MTFP1: variants seen among roughly 807,000 people sequenced by gnomAD.
MTFP1 encodes mitochondrial fission process protein 1.
A neutral mutation model predicts 17.1 loss-of-function variants in MTFP1; 19 were observed. That is an observed-to-expected ratio of 1.11 (90% CI 0.77 to 1.63). MTFP1 has a LOEUF of 1.63. MTFP1 is among the 40% of genes most tolerant of loss of function. The pLI, the probability that MTFP1 is intolerant of heterozygous loss-of-function variation, is 0.00. For synonymous variants in MTFP1, 89 were observed against 95.2 expected (o/e 0.93, Z 0.38); for missense variants, 221 against 226.2 (o/e 0.98, Z 0.15).
intron 3 of MTFP1, 93 bp downstream of exon 3, chr22:30,427,496 G>A: frequency 7.4e-7 from 1 of 1,356,936 alleles, no homozygotes; most frequent in Admixed American, 1.7e-5. Flanking sequence ...TGTGAAGTGT[G>A]GGGTATGCCC....
Position 30,426,763 on chromosome 22 carries a change from G to C in MTFP1, c.114G>C (p.Ala38=). ...AGGCTTTCCGCTCTCTTGTGCCAGCGGCGGTGGTGTGGCTGAGCTATGGCG... is the reference window on the plus strand; with the variant it reads ...AGGCTTTCCGCTCTCTTGTGCCAGCCGCGGTGGTGTGGCTGAGCTATGGCG... ...VGEAFRSLVP[A]AVVWLSYGVA... The change falls in exon 2 of 4, where the codon GCG becomes GCC. Residue 38 remains alanine, a synonymous_variant. Transcript: ENST00000266263. The C allele has an allele frequency of 6.2e-7, 1 of 1,614,076 alleles. No individual in the cohort carries two copies. Among genetic ancestry groups the C allele is most frequent in the Non-Finnish European group, 8.5e-7 (1 of 1,180,018 alleles).
At chr22:30,427,056 C>T in intron 2 of MTFP1, 115 bp from the exon 3 acceptor site, 1 of 1,379,876 alleles carries the variant, frequency 7.2e-7, no homozygotes. Context: ...GTACCCCACT[C>T]CTGGGTGCGG....
rs747928613 is a variant in MTFP1, at chr22:30,426,791, G to C, written c.142G>C (p.Ala48Pro). 3.7e-6 allele frequency: 6 copies of C among 1,613,714 alleles called. No homozygotes were observed. The South Asian group carries it at 6.6e-5, about 18-fold the overall frequency. Residue 48 changes from alanine to proline, a missense_variant, in exon 2 of 4, where the codon GCC becomes CCC. Physicochemically the swap from Ala to Pro is conservative, Grantham distance 27 (BLOSUM62 -1). Transcript: ENST00000266263. The stretch of plus-strand genomic sequence containing the variant: ...GGTGGTGTGGCTGAGCTATGGCGTG[G>C]CCAGCTCCTACGTGCTGGCGGATGC... ...AAVVWLSYGVASSYVLADAID... is the reference protein window; with the variant it reads ...AAVVWLSYGVPSSYVLADAID...
intron 3 of MTFP1, among the ~76,000 whole-genome samples, chr22:30,428,047 T>C (rs1934702550): frequency 6.6e-6 from 1 of 152,172 alleles, no homozygotes; most frequent in Non-Finnish European, 1.5e-5. Flanking sequence ...CATTGGTCCA[T>C]TCTGGACTGC....
chr22:30,428,396 C>G lies in MTFP1; in HGVS notation c.429-66C>G, dbSNP rs1000214975. On this transcript the variant is annotated intron_variant, in intron 3 of 3. Transcript: ENST00000266263. ...AAGCGCCCCTTTCCCTAACCCTGGCCTTCTGCCTTCTGTTCCCTCATGAAC... is the reference window on the plus strand; with the variant it reads ...AAGCGCCCCTTTCCCTAACCCTGGCGTTCTGCCTTCTGTTCCCTCATGAAC... 4 of 1,436,588 alleles carry G rather than the reference C, an allele frequency of 2.8e-6. No homozygotes were observed. In the African/African-American group the frequency reaches 5.6e-5, roughly 20 times the overall value. 89.0% of individuals were successfully genotyped at this position (1,436,588 alleles called of 1,614,324 possible).
rs11558623 is a variant in MTFP1, at chr22:30,428,863, T to C, written c.*329T>C. ...ACTGAGGCTCAGGGAGGGCAAGGAA[T>C]AGGCCCAAGATCACTTGGCAAGCTG... On this transcript the variant is annotated 3_prime_UTR_variant, in exon 4 of 4. Coordinates refer to ENST00000266263, the MANE Select transcript of MTFP1 (RefSeq NM_016498.5). 1.6e-6 allele frequency: 1 copy of C among 606,250 alleles called. No individual in the cohort carries two copies. Among genetic ancestry groups the C allele is most frequent in the Non-Finnish European group, 2.9e-6 (1 of 346,774 alleles). 37.6% of individuals were successfully genotyped at this position (606,250 alleles called of 1,614,324 possible).
At chr22:30,427,054 C>G in intron 2 of MTFP1, 117 bp from the exon 3 acceptor site, 1 of 1,374,746 alleles carries the variant, frequency 7.3e-7, no homozygotes, top group Non-Finnish European at 1.0e-6. Flanking sequence ...CTGTACCCCA[C>G]TCCTGGGTGC....
chr22:30,428,162 G>C (rs5753131), intron 3 of MTFP1, among the ~76,000 whole-genome samples: 1 of 152,208 alleles, frequency 6.6e-6, no homozygotes. Flanking sequence ...ACCAATGTAA[G>C]AGTGAGAGGA....
chr22:30,427,503 G>C (rs185302532), intron 3 of MTFP1, 100 bp downstream of exon 3: 2 of 1,288,564 alleles, frequency 1.6e-6, no homozygotes, highest in African/African-American at 2.9e-5. Context: ...TGTGGGGTAT[G>C]CCCACTTTGC....
rs1934715801 is a variant in MTFP1, at chr22:30,428,798, C to T, written c.*264C>T. 1.2e-6 allele frequency: 1 copy of T among 860,972 alleles called. No homozygotes were observed. Among genetic ancestry groups the T allele is most frequent in the Admixed American group, 2.5e-5 (1 of 40,786 alleles). The allele number at this position is 860,972 out of a possible 1,614,324, so 53.3% of individuals were successfully genotyped here. A position where few individuals can be genotyped will look rare whatever the true frequency, so the allele number is the denominator to read the frequency against. On this transcript the variant is annotated 3_prime_UTR_variant, in exon 4 of 4. Transcript: ENST00000266263. ...GGACCCTGGGTGGGCCCGGCCCTGT[C>T]TTTTTCAGGAAAATTACATCCTCCC...
In MTFP1 at chr22:30,426,592, G is replaced by A; in HGVS notation, c.68-125G>A. On this transcript the variant is annotated intron_variant, in intron 1 of 3. Transcript: ENST00000266263. ...TACATCTCGGAAAGGGAGGCTCAGA[G>A]AGGTCAAGTCACTTGCCTAAGGTCA... 3 of 1,282,832 alleles carry A rather than the reference G, an allele frequency of 2.3e-6. No homozygotes were observed. In the East Asian group the frequency reaches 7.7e-5, roughly 33 times the overall value. 79.5% of individuals were successfully genotyped at this position (1,282,832 alleles called of 1,614,324 possible).
chr22:30,428,921 C>T lies in MTFP1; in HGVS notation c.*387C>T. On this transcript the variant is annotated 3_prime_UTR_variant, in exon 4 of 4. Transcript: ENST00000266263. Reference sequence around the variant, plus strand: ...AGGACCCCCAGGTGCTTGACAGAGTCACCCCATGGTGGTATGGCTGAACAA... The same window carrying T: ...AGGACCCCCAGGTGCTTGACAGAGTTACCCCATGGTGGTATGGCTGAACAA... 1 of 534,434 alleles carries T rather than the reference C, an allele frequency of 1.9e-6. No individual in the cohort carries two copies. 33.1% of individuals were successfully genotyped at this position (534,434 alleles called of 1,614,324 possible).
intron 1 of MTFP1, 121 bp from the exon 2 acceptor site, chr22:30,426,596 T>G: frequency 7.5e-7 from 1 of 1,328,232 alleles, no homozygotes; most frequent in East Asian, 2.5e-5. Context: ...CTCAGAGAGG[T>G]CAAGTCACTT....
At position 30,425,873 on chromosome 22, in the gene MTFP1, G is replaced by A; in HGVS notation, c.-7G>A. On this transcript the variant is annotated 5_prime_UTR_variant, in exon 1 of 4. Coordinates refer to ENST00000266263, the MANE Select transcript of MTFP1 (RefSeq NM_016498.5). ...GCTGTAGTGGCCGGGGCCGTGGCGG[G>A]AGAGTCATGTCAGAGCCGCAGCCGC... 6.5e-7 allele frequency: 1 copy of A among 1,533,932 alleles called. No individual in the cohort carries two copies. Among genetic ancestry groups the A allele is most frequent in the Non-Finnish European group, 8.8e-7 (1 of 1,141,048 alleles).
Position 30,425,846 on chromosome 22 carries a change from C to T in MTFP1, c.-34C>T. The T allele has an allele frequency of 2.0e-6, 3 of 1,526,750 alleles. No homozygotes were observed. Among genetic ancestry groups the T allele is most frequent in the Non-Finnish European group, 2.6e-6 (3 of 1,138,526 alleles). The allele number at this position is 1,526,750 out of a possible 1,614,324, so 94.6% of individuals were successfully genotyped here. On this transcript the variant is annotated 5_prime_UTR_variant, in exon 1 of 4. Transcript: ENST00000266263. ...GCGGAGACTGCAGTGGAGCCAGTAC[C>T]GGCTGTAGTGGCCGGGGCCGTGGCG... is the stretch of plus-strand genomic sequence containing the variant.
chr22:30,426,444 A>G (rs940073036), intron 1 of MTFP1, among the ~76,000 whole-genome samples: 1 of 152,126 alleles, frequency 6.6e-6, no homozygotes, highest in African/African-American at 2.4e-5. Flanking sequence ...CTGTCACCTC[A>G]TTAGTGCAGT....
chr22:30,428,158 G>GT (rs1327692650), intron 3 of MTFP1, among the ~76,000 whole-genome samples: 1 of 152,184 alleles, frequency 6.6e-6, no homozygotes, highest in African/African-American at 2.4e-5. Flanking sequence ...CCAGACCAAT[G>GT]TAAGAGTGAG....
Position 30,427,198 on chromosome 22 carries a change from G to A in MTFP1, c.223G>A (p.Ala75Thr), listed in dbSNP as rs777112870. The change falls in exon 3 of 4, where the codon GCC becomes ACC. Residue 75 changes from alanine (A) to threonine (T), a missense_variant. By Grantham distance (58) the Ala-to-Thr change is moderately conservative (BLOSUM62 0). Transcript: ENST00000266263. ...GCCCAGCCCTGAAGCAGGCCGCAGCGCCAGGGTGACTGTGGCTGTGGTGGA... is the reference window on the plus strand; with the variant it reads ...GCCCAGCCCTGAAGCAGGCCGCAGCACCAGGGTGACTGTGGCTGTGGTGGA... ...EVPSPEAGRS[A>T]RVTVAVVDTF... 21 of 1,613,962 alleles carry A rather than the reference G, an allele frequency of 1.3e-5. No individual in the cohort carries two copies. Among genetic ancestry groups the A allele is most frequent in the African/African-American group, 6.7e-5 (5 of 74,914 alleles).
In MTFP1 at chr22:30,426,753, T is replaced by C; in HGVS notation, c.104T>C (p.Leu35Pro). 3.1e-6 allele frequency: 5 copies of C among 1,614,136 alleles called. No individual in the cohort carries two copies. The highest frequency in any genetic ancestry group is 2.2e-5 in the East Asian group (1 of 44,886). Residue 35 changes from leucine to proline, a missense_variant, in exon 2 of 4, where the codon CTT (leucine) becomes CCT (proline). Physicochemically the swap from Leu to Pro is moderately conservative, Grantham distance 98. Transcript: ENST00000266263. ...GAGGTGGGCGAGGCTTTCCGCTCTC[T>C]TGTGCCAGCGGCGGTGGTGTGGCTG... ...ANEVGEAFRS[L>P]VPAAVVWLSY...
Sources: allele counts gnomAD v4.1 joint callset (sites outside exome capture counted in the v4.1 genomes callset), GRCh38; gene constraint gnomAD v4.1.1; transcripts MANE v1.5; gene names NCBI Gene and HGNC (gene_info 2026-07-23, HGNC 2026-07-21).